The following MAPRE2 variants were observed in gnomAD, a reference collection of about 807,000 sequenced individuals.
MAPRE2 encodes microtubule associated protein RP/EB family member 2.
In MAPRE2, 13 loss-of-function variants were observed where a neutral mutation model predicts 43.2. The ratio of observed to expected loss-of-function variants is 0.30; its 90% CI spans 0.20 to 0.48. The LOEUF is 0.48. Ranked by LOEUF, MAPRE2 falls within the 20% of genes least tolerant of loss-of-function variation. The probability of loss-of-function intolerance (pLI) is 0.99; values close to 1 mark genes in which losing one functional copy is unlikely to be tolerated. For synonymous variants in MAPRE2, 135 were observed against 148.8 expected, an observed-to-expected ratio of 0.91 and a Z score of 0.68; for missense variants, 161 against 400.2, an observed-to-expected ratio of 0.40 and a Z score of 5.10.
At chr18:35,112,551 G>A (rs1184116889) in intron 4 of MAPRE2, among the ~76,000 whole-genome samples, 1 of 152,164 alleles carries the variant, frequency 6.6e-6, no homozygotes, top group East Asian at 1.9e-4. Flanking sequence ...AAACTATCCC[G>A]TTGCTAAGCT....
At chr18:35,082,631 C>G (rs542358125) in intron 2 of MAPRE2, among the ~76,000 whole-genome samples, 14 of 152,120 alleles carry the variant, frequency 9.2e-5, no homozygotes, top group African/African-American at 2.7e-4. Flanking sequence ...AATGTGAGCT[C>G]TCTCTCTCTT....
rs117911096 is a variant in MAPRE2, at chr18:35,003,631, C to T, written c.-69-1861C>T. Among the ~76,000 whole-genome samples the T allele has an allele frequency of 9.5e-3, 1,443 of 152,310 alleles. 9 individuals are homozygous for T. The highest frequency in any genetic ancestry group is 0.016 in the Non-Finnish European group (1,058 of 68,024). ...CAGACAATTCTGAATTTTCTAAGGG[C>T]TAATTATCTGCTTTATAGATAAACT... On this transcript the variant is annotated intron_variant, in intron 1 of 7. Coordinates refer to the MAPRE2 transcript ENST00000413393.
chr18:35,109,821 A>T (rs1055358985), intron 4 of MAPRE2, among the ~76,000 whole-genome samples: 7 of 152,044 alleles, frequency 4.6e-5, no homozygotes, highest in African/African-American at 1.7e-4. Flanking sequence ...TCATATAATT[A>T]TGTAATTATT....
At chr18:35,134,051 G>T (rs943010267) in intron 6 of MAPRE2, among the ~76,000 whole-genome samples, 6 of 152,192 alleles carry the variant, frequency 3.9e-5, no homozygotes, top group Non-Finnish European at 8.8e-5. Context: ...AATAAGTTTA[G>T]CAGACACCTC....
chr18:34,985,245 TAA>T (rs370529568), intron 1 of MAPRE2, among the ~76,000 whole-genome samples: 5 of 46,774 alleles, frequency 1.1e-4, no homozygotes, highest in East Asian at 1.5e-3. Flanking sequence ...TTATATAATA[TAA>T]AATATATAAT....
At chr18:35,003,108 TC>T (rs2097030176) in intron 1 of MAPRE2, among the ~76,000 whole-genome samples, 1 of 152,192 alleles carries the variant, frequency 6.6e-6, no homozygotes, top group Non-Finnish European at 1.5e-5. Flanking sequence ...AGAGCTCTAC[TC>T]CTGCCAAACA....
At chr18:35,083,950 G>A (rs1038033043) in intron 2 of MAPRE2, among the ~76,000 whole-genome samples, 2 of 151,236 alleles carry the variant, frequency 1.3e-5, no homozygotes, top group African/African-American at 4.9e-5. Flanking sequence ...CTTCCATGAT[G>A]TTTCTATGAA....
chr18:35,025,775 C>T (rs916288033), intron 2 of MAPRE2, among the ~76,000 whole-genome samples: 33 of 152,160 alleles, frequency 2.2e-4, no homozygotes, highest in African/African-American at 6.8e-4. Flanking sequence ...GTAATAGATT[C>T]TTCCAAGAGC....
chr18:35,004,784 G>A (rs1340609474), intron 1 of MAPRE2, among the ~76,000 whole-genome samples: 1 of 152,090 alleles, frequency 6.6e-6, no homozygotes, highest in Non-Finnish European at 1.5e-5. Flanking sequence ...CGGGCATGGT[G>A]GCGGGCGCCT....
intron 1 of MAPRE2, among the ~76,000 whole-genome samples, chr18:35,057,507 C>CGTGTGTGTGTGTGTGT (rs58171272): frequency 0.016 from 2,391 of 149,490 alleles, 37 homozygotes; most frequent in African/African-American, 0.029. Flanking sequence ...GGAGTGTGTG[C>CGTGTGTGTGTGTGTGT]GTGTGTGTGT....
At chr18:35,008,387 T>C (rs1488869003) in intron 2 of MAPRE2, among the ~76,000 whole-genome samples, 10 of 152,136 alleles carry the variant, frequency 6.6e-5, no homozygotes, top group Non-Finnish European at 1.5e-5. Flanking sequence ...AAAGAAAACC[T>C]AGAGGAGAAA....
At chr18:35,076,831 C>T (rs1018600133) in intron 2 of MAPRE2, among the ~76,000 whole-genome samples, 1 of 152,154 alleles carries the variant, frequency 6.6e-6, no homozygotes, top group African/African-American at 2.4e-5. Context: ...GCACCAGATA[C>T]TTTTAAATAC....
At chr18:34,989,533 G>GTTT (rs2097022683) in intron 1 of MAPRE2, among the ~76,000 whole-genome samples, 1 of 152,122 alleles carries the variant, frequency 6.6e-6, no homozygotes, top group African/African-American at 2.4e-5. Context: ...AACATAGTGA[G>GTTT]ACCCTATGTT....
intron 2 of MAPRE2, among the ~76,000 whole-genome samples, chr18:35,018,862 G>C (rs2097040168): frequency 6.6e-6 from 1 of 151,632 alleles, no homozygotes. Flanking sequence ...TCTCCTGCTA[G>C]CTTTGGGGTT....
chr18:35,048,424 G>T (rs941593962), intron 1 of MAPRE2, among the ~76,000 whole-genome samples: 3 of 151,672 alleles, frequency 2.0e-5, no homozygotes, highest in African/African-American at 7.3e-5. Flanking sequence ...ATATATGTGT[G>T]TGTGTGTGTA....
At chr18:34,995,777 T>G (rs1418623876) in intron 1 of MAPRE2, among the ~76,000 whole-genome samples, 1 of 152,186 alleles carries the variant, frequency 6.6e-6, no homozygotes, top group Non-Finnish European at 1.5e-5. Context: ...GTTGGGATCA[T>G]GTGAGTGAAT....
intron 1 of MAPRE2, among the ~76,000 whole-genome samples, chr18:35,045,280 A>G (rs569897280): frequency 2.0e-5 from 3 of 152,330 alleles, no homozygotes; most frequent in African/African-American, 7.2e-5. Context: ...GCTCTGTTTC[A>G]TGCAGATGCT....
At chr18:35,094,311 A>T (rs1187456322) in intron 2 of MAPRE2, among the ~76,000 whole-genome samples, 1 of 152,226 alleles carries the variant, frequency 6.6e-6, no homozygotes. Flanking sequence ...CATGAATAAC[A>T]AATTCAAAAA....
intron 4 of MAPRE2, among the ~76,000 whole-genome samples, chr18:35,103,519 G>T (rs1908771334): frequency 1.3e-5 from 2 of 152,146 alleles, no homozygotes; most frequent in African/African-American, 4.8e-5. Context: ...GGCAATTTTT[G>T]TGTTGGGGGT....
Sources: gnomAD v4.1 joint callset for allele counts (sites outside exome capture counted in the v4.1 genomes callset) on GRCh38, gnomAD v4.1.1 for gene constraint, MANE v1.5 for transcripts, NCBI Gene and HGNC (gene_info 2026-07-23, HGNC 2026-07-21) for gene names.